The following ASIC2 variants were observed in gnomAD, a reference collection of about 807,000 sequenced individuals.
ASIC2 encodes acid-sensing ion channel 2.
In ASIC2, 25 loss-of-function variants were observed where a neutral mutation model predicts 57.3. The observed-to-expected ratio is 0.44, with a 90% CI of 0.32 to 0.61. The LOEUF (loss-of-function observed/expected upper bound fraction) is 0.61. ASIC2 is among the 20% of genes least tolerant of loss of function. ASIC2 has a pLI of 0.06. For missense variants in ASIC2, 641 were observed against 738.1 expected (o/e 0.87, Z 1.52); for synonymous variants, 319 against 307.5 (o/e 1.04, Z -0.39).
At chr17:33,556,483 C>A (rs1185034321) in intron 1 of ASIC2, among the ~76,000 whole-genome samples, 7 of 152,206 alleles carry the variant, frequency 4.6e-5, no homozygotes. Context: ...CAAGGAGCCA[C>A]TGGATGACAA....
At chr17:33,714,690 C>G (rs1909154813) in intron 1 of ASIC2, among the ~76,000 whole-genome samples, 1 of 151,626 alleles carries the variant, frequency 6.6e-6, no homozygotes, top group Admixed American at 6.6e-5. Flanking sequence ...AAGGGGAGAA[C>G]AAGGAGGATT....
At chr17:33,806,086 C>T (rs781550407) in intron 1 of ASIC2, among the ~76,000 whole-genome samples, 107 of 150,310 alleles carry the variant, frequency 7.1e-4, no homozygotes, top group Non-Finnish European at 1.2e-3. Flanking sequence ...TCCCATGTCC[C>T]AGCGAAACAC....
At chr17:33,527,337 C>T (rs1597766653) in intron 1 of ASIC2, among the ~76,000 whole-genome samples, 1 of 152,218 alleles carries the variant, frequency 6.6e-6, no homozygotes. Flanking sequence ...CCACACTGGA[C>T]TCTCAGAAGT....
rs34092157 is a variant in ASIC2 at position 33,447,912 on chromosome 17, C to CAAAAA, written c.556-335850_556-335846dup. 3.7e-3 allele frequency among the ~76,000 whole-genome samples: 263 copies of CAAAAA among 71,680 alleles called. 1 individual carries two copies. The highest frequency in any genetic ancestry group is 5.6e-3 in the East Asian group (16 of 2,850). 47.0% of individuals were successfully genotyped at this position (71,680 alleles called of 152,430 possible). A position where few individuals can be genotyped will look rare whatever the true frequency, so the allele number is the denominator to read the frequency against. On this transcript the variant is annotated intron_variant, in intron 1 of 9. Transcript: ENST00000359872. ...TGGGCGACAGAGCAAGACTCAGTCT[C>CAAAAA]AAAAAAAAAAAAAAAAAAAAGAAAA...
At chr17:33,259,326 G>A (rs912420515) in intron 1 of ASIC2, among the ~76,000 whole-genome samples, 6 of 152,066 alleles carry the variant, frequency 3.9e-5, no homozygotes, top group Non-Finnish European at 7.4e-5. Context: ...TACAATTCAC[G>A]CCATCAGTCT....
chr17:33,596,559 G>C (rs866593367), intron 1 of ASIC2, among the ~76,000 whole-genome samples: 2 of 152,048 alleles, frequency 1.3e-5, no homozygotes, highest in African/African-American at 2.4e-5. Context: ...AAGTATCAGC[G>C]CCCCCGGCCT....
chr17:33,921,100 G>A (rs943126852), intron 1 of ASIC2, among the ~76,000 whole-genome samples: 2 of 152,132 alleles, frequency 1.3e-5, no homozygotes, highest in East Asian at 1.9e-4. Context: ...TGTGTCTCAC[G>A]TTCGCTGTGT....
In ASIC2 at chr17:33,278,759, T is replaced by A. The variant is rs574594127; in HGVS notation, c.708+12649A>T. On this transcript the variant is annotated intron_variant, in intron 1 of 9. Transcript: ENST00000225823. ...AACGAATGAATGAGTCCACATATATTTTTTTTTTTGGTGGAACTATCCTTT... is the reference window on the plus strand; with the variant it reads ...AACGAATGAATGAGTCCACATATATATTTTTTTTTGGTGGAACTATCCTTT... Among the ~76,000 whole-genome samples the A allele has an allele frequency of 2.0e-4, 30 of 149,496 alleles. No homozygotes were observed. The Middle Eastern group carries it at 0.01, about 52-fold the overall frequency.
At chr17:33,110,256 G>A (rs2092251634) in intron 2 of ASIC2, among the ~76,000 whole-genome samples, 1 of 152,102 alleles carries the variant, frequency 6.6e-6, no homozygotes, top group South Asian at 2.1e-4. Context: ...CTGCAAGAAG[G>A]GCCTCTCTTT....
At chr17:33,014,777 C>T (rs536011042) in intron 9 of ASIC2, among the ~76,000 whole-genome samples, 13 of 152,142 alleles carry the variant, frequency 8.5e-5, no homozygotes, top group South Asian at 2.1e-4. Flanking sequence ...GAGGCTGTGA[C>T]GCTGAGACCT....
rs557586008 is a variant in ASIC2, at chr17:34,088,132, C to T, written c.555+67846G>A. 7.2e-4 allele frequency among the ~76,000 whole-genome samples: 110 copies of T among 152,300 alleles called. 1 individual carries two copies. The highest frequency in any genetic ancestry group is 2.6e-3 in the African/African-American group (106 of 41,546). ...AGAGGCGCTCTGATTTTTAGAGTTTCCAGTTTTTCTGCTCTGTATTTTTCC... is the reference window on the plus strand; with the variant it reads ...AGAGGCGCTCTGATTTTTAGAGTTTTCAGTTTTTCTGCTCTGTATTTTTCC... On this transcript the variant is annotated intron_variant, in intron 1 of 9. Transcript: ENST00000359872.
At chr17:33,779,240 T>G (rs1391152138) in intron 1 of ASIC2, among the ~76,000 whole-genome samples, 2 of 152,154 alleles carry the variant, frequency 1.3e-5, no homozygotes, top group Non-Finnish European at 2.9e-5. Context: ...TAAGTTCTGT[T>G]GTTCCTTAAA....
chr17:33,606,190 G>A (rs1905228672), intron 1 of ASIC2, among the ~76,000 whole-genome samples: 1 of 152,180 alleles, frequency 6.6e-6, no homozygotes, highest in South Asian at 2.1e-4. Flanking sequence ...TGGAAGCAGA[G>A]CTGATTTGGC....
At chr17:33,911,972 G>A (rs954749770) in intron 1 of ASIC2, among the ~76,000 whole-genome samples, 1 of 150,836 alleles carries the variant, frequency 6.6e-6, no homozygotes, top group Non-Finnish European at 1.5e-5. Flanking sequence ...GAAACCCCGT[G>A]TCTACTAAAA....
At chr17:33,962,763 T>C (rs1022335834) in intron 1 of ASIC2, among the ~76,000 whole-genome samples, 9 of 152,152 alleles carry the variant, frequency 5.9e-5, no homozygotes, top group African/African-American at 2.2e-4. Context: ...ATATTCATGC[T>C]CCATTCCAAA....
Position 33,875,566 on chromosome 17 carries a change from C to T in ASIC2, c.555+280412G>A, listed in dbSNP as rs368513021. Among the ~76,000 whole-genome samples the T allele has an allele frequency of 2.4e-3, 358 of 152,318 alleles. 1 individual carries two copies. Among genetic ancestry groups the T allele is most frequent in the South Asian group, 4.4e-3 (21 of 4,820 alleles). On this transcript the variant is annotated intron_variant, in intron 1 of 9. Coordinates refer to the ASIC2 transcript ENST00000359872. ...CCTTTACTTAACAGCCACTCAGTCC[C>T]CAAAGCCCCATTTCAGAGACTTTGG...
intron 1 of ASIC2, among the ~76,000 whole-genome samples, chr17:33,481,889 A>C (rs1227246172): frequency 6.6e-6 from 1 of 152,110 alleles, no homozygotes; most frequent in Non-Finnish European, 1.5e-5. Flanking sequence ...CTCCCATGGA[A>C]ATTGCCCTTC....
chr17:33,682,241 A>T lies in ASIC2; in HGVS notation c.555+473737T>A, dbSNP rs867669784. On this transcript the variant is annotated intron_variant, in intron 1 of 9. Transcript: ENST00000359872. Reference sequence around the variant, plus strand: ...TGCCTGGCTAATTTTTTTTTTTTTTATTTTTAGTAGAGACGGGGTTTCACC... The same window carrying T: ...TGCCTGGCTAATTTTTTTTTTTTTTTTTTTTAGTAGAGACGGGGTTTCACC... 9.2e-3 allele frequency among the ~76,000 whole-genome samples: 1,282 copies of T among 139,946 alleles called. 37 individuals carry two copies. In the East Asian group the frequency reaches 0.13, roughly 15 times the overall value. 91.8% of individuals were successfully genotyped at this position (139,946 alleles called of 152,430 possible). A position where few individuals can be genotyped will look rare whatever the true frequency, so the allele number is the denominator to read the frequency against.
chr17:33,136,878 T>C (rs1012130635), intron 1 of ASIC2, among the ~76,000 whole-genome samples: 30 of 152,290 alleles, frequency 2.0e-4, no homozygotes, highest in African/African-American at 7.0e-4. Context: ...CAAAAAGGGA[T>C]GTGGAGTTAG....
Sources: gnomAD v4.1 joint callset for allele counts (sites outside exome capture counted in the v4.1 genomes callset) on GRCh38, gnomAD v4.1.1 for gene constraint, MANE v1.5 for transcripts, NCBI Gene and HGNC (gene_info 2026-07-23, HGNC 2026-07-21) for gene names.